Variants in GPC5 observed in about 807,000 individuals in gnomAD.
GPC5 encodes the protein glypican-5.
In GPC5, 47 loss-of-function variants were observed where a neutral mutation model predicts 53.9. That is an observed-to-expected ratio of 0.87 (90% CI 0.69 to 1.11). The LOEUF is 1.11. Ranked by LOEUF, GPC5 falls within the 50% of genes most tolerant of loss-of-function variation. GPC5 has a pLI of 0.00. For synonymous variants in GPC5, 286 were observed against 263.3 expected, an observed-to-expected ratio of 1.09 and a Z score of -0.84; for missense variants, 748 against 713.1, an observed-to-expected ratio of 1.05 and a Z score of -0.56.
rs116406725 is a variant in GPC5, at chr13:92,046,579, A to G, written c.1402-98251A>G. 5.8e-3 allele frequency among the ~76,000 whole-genome samples: 879 copies of G among 151,966 alleles called. 9 individuals are homozygous for G. Among genetic ancestry groups the G allele is most frequent in the African/African-American group, 0.02 (837 of 41,466 alleles). ...GCGAATACCGATTTCCAGGAAGAAAACTCATTTTTATTTCACTCTCCCCGC... is the reference window on the plus strand; with the variant it reads ...GCGAATACCGATTTCCAGGAAGAAAGCTCATTTTTATTTCACTCTCCCCGC... On this transcript the variant is annotated intron_variant, in intron 6 of 7. Transcript: ENST00000377067.
intron 3 of GPC5, among the ~76,000 whole-genome samples, chr13:91,724,869 A>T (rs2036544819): frequency 6.6e-6 from 1 of 152,184 alleles, no homozygotes; most frequent in African/African-American, 2.4e-5. Context: ...AAAAAAAAGA[A>T]AGAAAACAAA....
chr13:91,742,878 T>C (rs2036966215), intron 4 of GPC5, among the ~76,000 whole-genome samples: 1 of 152,178 alleles, frequency 6.6e-6, no homozygotes, highest in Non-Finnish European at 1.5e-5. Flanking sequence ...TCTCTCCACA[T>C]TTCTAACTAC....
chr13:91,500,127 T>C (rs1541138), intron 2 of GPC5, among the ~76,000 whole-genome samples: 150,560 of 152,296 alleles, frequency 0.99, 74,455 homozygotes, highest in East Asian at 1. Context: ...TCCACTCTTA[T>C]GCTCCTCATT....
chr13:92,321,050 A>G (rs2043212406), intron 7 of GPC5, among the ~76,000 whole-genome samples: 1 of 111,396 alleles, frequency 9.0e-6, no homozygotes, highest in African/African-American at 5.7e-5. Flanking sequence ...ATTCTTAGAA[A>G]CTACCTTCCT....
chr13:91,818,012 G>C (rs376045830), intron 5 of GPC5, among the ~76,000 whole-genome samples: 3 of 152,038 alleles, frequency 2.0e-5, no homozygotes, highest in East Asian at 3.9e-4. Flanking sequence ...TCATGAAACA[G>C]TAAGGAAAAT....
At chr13:91,809,137 T>C (rs1442674305) in intron 5 of GPC5, among the ~76,000 whole-genome samples, 1 of 152,170 alleles carries the variant, frequency 6.6e-6, no homozygotes, top group Non-Finnish European at 1.5e-5. Flanking sequence ...CCCTCATCAA[T>C]TTCTGTACCT....
chr13:92,245,718 T>C (rs1401594584), intron 7 of GPC5, among the ~76,000 whole-genome samples: 1 of 152,144 alleles, frequency 6.6e-6, no homozygotes, highest in Non-Finnish European at 1.5e-5. Flanking sequence ...ACAGAAAATA[T>C]ATTTTACTAT....
intron 7 of GPC5, among the ~76,000 whole-genome samples, chr13:92,676,236 T>C (rs1886935204): frequency 6.6e-6 from 1 of 152,196 alleles, no homozygotes; most frequent in Admixed American, 6.5e-5. Context: ...ATGAGTATAA[T>C]TTGAATAGCT....
At chr13:92,256,972 C>A (rs991041277) in intron 7 of GPC5, among the ~76,000 whole-genome samples, 1 of 152,010 alleles carries the variant, frequency 6.6e-6, no homozygotes, top group Non-Finnish European at 1.5e-5. Flanking sequence ...TCTCTCTCTT[C>A]CCAGCCACTG....
chr13:92,680,053 A>C (rs747344484), intron 7 of GPC5, among the ~76,000 whole-genome samples: 4 of 152,178 alleles, frequency 2.6e-5, no homozygotes, highest in Non-Finnish European at 4.4e-5. Flanking sequence ...TCTAGGGCTC[A>C]TAGAATGGAA....
chr13:92,201,997 C>A (rs1187863761), intron 7 of GPC5, among the ~76,000 whole-genome samples: 3 of 152,142 alleles, frequency 2.0e-5, no homozygotes, highest in Non-Finnish European at 2.9e-5. Context: ...CTATCACCAA[C>A]TAATTGTGCT....
intron 7 of GPC5, among the ~76,000 whole-genome samples, chr13:92,490,697 G>A (rs1879728962): frequency 6.6e-6 from 1 of 152,116 alleles, no homozygotes; most frequent in African/African-American, 2.4e-5. Flanking sequence ...TCATTTTTAT[G>A]ACTAATTCTA....
At chr13:92,544,402 A>G (rs376975525) in intron 7 of GPC5, among the ~76,000 whole-genome samples, 61 of 152,316 alleles carry the variant, frequency 4.0e-4, no homozygotes, top group African/African-American at 1.4e-3. Context: ...AAAATGTGAC[A>G]TTGCTCAAAG....
intron 7 of GPC5, among the ~76,000 whole-genome samples, chr13:92,181,723 T>G (rs536211792): frequency 6.6e-6 from 1 of 152,290 alleles, no homozygotes; most frequent in East Asian, 1.9e-4. Context: ...CTCAGTTTGA[T>G]GTTTGTGTAT....
intron 6 of GPC5, among the ~76,000 whole-genome samples, chr13:92,021,059 C>T (rs1594727893): frequency 6.6e-6 from 1 of 152,166 alleles, no homozygotes. Flanking sequence ...GTTTTCAACA[C>T]CATTTGTTGA....
intron 2 of GPC5, among the ~76,000 whole-genome samples, chr13:91,566,668 A>G (rs1409979287): frequency 6.6e-6 from 1 of 152,196 alleles, no homozygotes; most frequent in East Asian, 1.9e-4. Flanking sequence ...TTTCTGATAT[A>G]GGTAATCCTT....
intron 7 of GPC5, among the ~76,000 whole-genome samples, chr13:92,206,804 A>T (rs1348290391): frequency 6.6e-6 from 1 of 152,164 alleles, no homozygotes; most frequent in Non-Finnish European, 1.5e-5. Context: ...TTCTGTCATT[A>T]ACAATTAGTT....
intron 7 of GPC5, among the ~76,000 whole-genome samples, chr13:92,678,008 T>G (rs1594412830): frequency 6.6e-6 from 1 of 152,316 alleles, no homozygotes; most frequent in Middle Eastern, 3.4e-3. Flanking sequence ...CAAGTTTATT[T>G]CCCAAGTTAA....
At chr13:91,966,445 C>T (rs2040181490) in intron 6 of GPC5, among the ~76,000 whole-genome samples, 4 of 152,048 alleles carry the variant, frequency 2.6e-5, no homozygotes, top group Admixed American at 2.6e-4. Flanking sequence ...ATACAAGTAA[C>T]AAATTGCTTC....
Sources: allele counts gnomAD v4.1 joint callset (sites outside exome capture counted in the v4.1 genomes callset), GRCh38; gene constraint gnomAD v4.1.1; transcripts MANE v1.5; gene names NCBI Gene and HGNC (gene_info 2026-07-23, HGNC 2026-07-21).